FIGN: variants seen among roughly 807,000 people sequenced by gnomAD.
The protein encoded by FIGN is fidgetin.
In FIGN, 11 loss-of-function variants were observed where a neutral mutation model predicts 51.3. The ratio of observed to expected loss-of-function variants is 0.21; its 90% confidence interval spans 0.13 to 0.35. The LOEUF (loss-of-function observed/expected upper bound fraction) is 0.35, where lower values mean the gene tolerates loss of function less well. Ranked by LOEUF, FIGN falls within the 10% of genes least tolerant of loss-of-function variation. The pLI, the probability that FIGN is intolerant of heterozygous loss-of-function variation, is 1.00. For missense variants in FIGN, 857 were observed against 943.6 expected (o/e 0.91, Z 1.20); for synonymous variants, 407 against 363.2 (o/e 1.12, Z -1.37).
chr2:163,678,251 C>A (rs1239501936), intron 2 of FIGN, among the ~76,000 whole-genome samples: 2 of 152,016 alleles, frequency 1.3e-5, no homozygotes, highest in South Asian at 2.1e-4. Flanking sequence ...GATGCAGTCT[C>A]GCTCTGTCAC....
chr2:163,637,709 C>A (rs1683247965), intron 2 of FIGN, among the ~76,000 whole-genome samples: 1 of 151,222 alleles, frequency 6.6e-6, no homozygotes. Flanking sequence ...ACAATCCTTT[C>A]TTGCACATGC....
Position 163,662,542 on chromosome 2 carries a change from T to G in FIGN, c.26-50736A>C, listed in dbSNP as rs150405200. Among the ~76,000 whole-genome samples, 608 of 152,290 alleles carry G rather than the reference T, an allele frequency of 4.0e-3. 1 individual carries two copies. Among genetic ancestry groups the G allele is most frequent in the African/African-American group, 0.014 (576 of 41,560 alleles). On this transcript the variant is annotated intron_variant, in intron 2 of 2. Coordinates refer to ENST00000333129, the MANE Select transcript of FIGN (RefSeq NM_018086.4). ...ACGGGGAAAATGTCTCCAGGCCATG[T>G]CAGAGACCTTCAGAGCAGCCCCTCC...
At chr2:163,658,253 G>A (rs902173260) in intron 2 of FIGN, among the ~76,000 whole-genome samples, 1 of 151,852 alleles carries the variant, frequency 6.6e-6, no homozygotes, top group South Asian at 2.1e-4. Context: ...CTGTACAGAG[G>A]AATTGAGTGC....
intron 2 of FIGN, among the ~76,000 whole-genome samples, chr2:163,680,223 A>G (rs969271013): frequency 1.3e-5 from 2 of 152,228 alleles, no homozygotes; most frequent in African/African-American, 4.8e-5. Context: ...TATCTCCAAA[A>G]TTAAGCCTTC....
In FIGN at chr2:163,609,983, G is replaced by T. The variant is rs1241556271; in HGVS notation, c.1849C>A (p.Leu617Ile). The change falls in exon 3 of 3, where the codon CTA becomes ATA. Residue 617 changes from leucine to isoleucine, a missense_variant. Leu to Ile is a conservative substitution (Grantham distance 5). Around this residue, in one of 3 missense-constraint regions of FIGN, gnomAD observed 799 missense variants for 849.5 expected, o/e 0.94. Transcript: ENST00000333129. ...TEFLMQLDTV[L>I]TSAEDQIVVI... Reference sequence around the variant, plus strand: ...ACGATTTGGTCCTCAGCCGAAGTTAGTACAGTGTCCAGTTGCATCAGAAAT... The same window carrying T: ...ACGATTTGGTCCTCAGCCGAAGTTATTACAGTGTCCAGTTGCATCAGAAAT... 1 of 1,614,090 alleles carries T rather than the reference G, an allele frequency of 6.2e-7. No homozygotes were observed. The highest frequency in any genetic ancestry group is 2.2e-5 in the East Asian group (1 of 44,870).
chr2:163,728,893 G>T (rs1185654784), intron 2 of FIGN, among the ~76,000 whole-genome samples: 1 of 152,172 alleles, frequency 6.6e-6, no homozygotes, highest in Non-Finnish European at 1.5e-5. Context: ...AAATTATGTA[G>T]CTGGTCCTAG....
At chr2:163,662,958 C>A (rs997080970) in intron 2 of FIGN, among the ~76,000 whole-genome samples, 1 of 152,234 alleles carries the variant, frequency 6.6e-6, no homozygotes, top group Admixed American at 6.5e-5. Flanking sequence ...CTTCTGAGGG[C>A]TCCCCAGCCA....
intron 2 of FIGN, among the ~76,000 whole-genome samples, chr2:163,668,495 A>T (rs1205694378): frequency 6.6e-6 from 1 of 152,220 alleles, no homozygotes; most frequent in East Asian, 1.9e-4. Context: ...AGCTGGATAA[A>T]GGCTTTAGGA....
intron 2 of FIGN, among the ~76,000 whole-genome samples, chr2:163,652,935 C>T (rs181206852): frequency 6.6e-6 from 1 of 152,248 alleles, no homozygotes; most frequent in Admixed American, 6.5e-5. Context: ...ATACTGTTTA[C>T]TCCCATTCTT....
intron 2 of FIGN, among the ~76,000 whole-genome samples, chr2:163,637,104 C>G (rs1204170331): frequency 6.6e-6 from 1 of 152,074 alleles, no homozygotes; most frequent in Non-Finnish European, 1.5e-5. Context: ...AAACGGAACA[C>G]AGAGCATCAT....
rs1437684058 is a variant in FIGN at position 163,606,182 on chromosome 2, G to T, written c.*3370C>A. On this transcript the variant is annotated 3_prime_UTR_variant, in exon 3 of 3. Transcript: ENST00000333129. The stretch of plus-strand genomic sequence containing the variant: ...AAAGTAAATAGCCTTAAAGTATACT[G>T]CCTTCACATTCCATTGATCAGCTCA... 6.6e-6 allele frequency: 1 copy of T among 152,088 alleles called. No homozygotes were observed. The highest frequency in any genetic ancestry group is 6.6e-5 in the Admixed American group (1 of 15,242). 9.4% of individuals were successfully genotyped at this position (152,088 alleles called of 1,614,324 possible).
In FIGN at chr2:163,602,709, A is replaced by G. The variant is rs1433706159; in HGVS notation, c.*6843T>C. On this transcript the variant is annotated 3_prime_UTR_variant, in exon 3 of 3. Coordinates refer to ENST00000333129, the MANE Select transcript of FIGN (RefSeq NM_018086.4). ...ATATACAACAAATTTTACAATAGAG[A>G]AAACTTTTCATAAAAATATCTGCCT... is the stretch of plus-strand genomic sequence containing the variant. 2.0e-5 allele frequency: 3 copies of G among 152,056 alleles called. No individual in the cohort carries two copies. The highest frequency in any genetic ancestry group is 7.2e-5 in the African/African-American group (3 of 41,424). 9.4% of individuals were successfully genotyped at this position (152,056 alleles called of 1,614,324 possible). A position where few individuals can be genotyped will look rare whatever the true frequency, so the allele number is the denominator to read the frequency against.
At chr2:163,673,605 A>C (rs1172657203) in intron 2 of FIGN, among the ~76,000 whole-genome samples, 1 of 152,154 alleles carries the variant, frequency 6.6e-6, no homozygotes, top group Non-Finnish European at 1.5e-5. Flanking sequence ...CTAGTAATGA[A>C]GCCATACTGT....
rs1403485698 is a variant in FIGN at position 163,608,174 on chromosome 2, C to T, written c.*1378G>A. On this transcript the variant is annotated 3_prime_UTR_variant, in exon 3 of 3. Coordinates refer to ENST00000333129, the MANE Select transcript of FIGN (RefSeq NM_018086.4). The stretch of plus-strand genomic sequence containing the variant: ...AGAAATAAAGCAGGAGCACTACAGC[C>T]CAGATTTCAAAATGAGAAGCAAAAT... The T allele has an allele frequency of 3.9e-5, 6 of 152,454 alleles. No individual in the cohort carries two copies. Among genetic ancestry groups the T allele is most frequent in the South Asian group, 2.1e-4 (1 of 4,798 alleles). The allele number at this position is 152,454 out of a possible 1,614,324, so 9.4% of individuals were successfully genotyped here.
At chr2:163,704,629 C>CTCTT (rs1684466914) in intron 2 of FIGN, among the ~76,000 whole-genome samples, 1 of 126,236 alleles carries the variant, frequency 7.9e-6, no homozygotes. Context: ...CTCTCTTTCT[C>CTCTT]TCTCTCTCTC....
chr2:163,629,570 C>T (rs1683111217), intron 2 of FIGN, among the ~76,000 whole-genome samples: 1 of 152,002 alleles, frequency 6.6e-6, no homozygotes, highest in African/African-American at 2.4e-5. Context: ...TATCCATAGT[C>T]AGTAAACTAC....
At position 163,668,024 on chromosome 2, in the gene FIGN, C is replaced by CA. The variant is rs1553498980; in HGVS notation, c.26-56219_26-56218insT. The stretch of plus-strand genomic sequence containing the variant: ...ACACCCCTACCTCCAACCCCCCCCC[C>CA]CAAAAAACCCTCCACAAGTAACAAA... On this transcript the variant is annotated intron_variant, in intron 2 of 2. Coordinates refer to ENST00000333129, the MANE Select transcript of FIGN (RefSeq NM_018086.4). Among the ~76,000 whole-genome samples the CA allele has an allele frequency of 3.3e-5, 5 of 149,486 alleles. 1 individual carries two copies. The highest frequency in any genetic ancestry group is 1.3e-4 in the African/African-American group (5 of 39,778).
At chr2:163,725,463 G>A (rs1333777307) in intron 2 of FIGN, among the ~76,000 whole-genome samples, 1 of 151,986 alleles carries the variant, frequency 6.6e-6, no homozygotes, top group Non-Finnish European at 1.5e-5. Context: ...ATGTATTTAA[G>A]TATACATGTG....
intron 2 of FIGN, among the ~76,000 whole-genome samples, chr2:163,710,033 C>T (rs938584168): frequency 4.6e-5 from 7 of 152,096 alleles, no homozygotes; most frequent in African/African-American, 1.7e-4. Context: ...TGTTTCTGTA[C>T]TGTGAAGCAA....
Sources: allele counts gnomAD v4.1 joint callset (sites outside exome capture counted in the v4.1 genomes callset), GRCh38; gene constraint gnomAD v4.1.1; regional missense constraint gnomAD v4.1.1; transcripts MANE v1.5; gene names NCBI Gene and HGNC (gene_info 2026-07-23, HGNC 2026-07-21).